Variants in ARID4B observed in about 807,000 individuals in gnomAD.
The protein encoded by ARID4B is AT-rich interactive domain-containing protein 4B.
Under a neutral mutation model 147.5 loss-of-function variants are expected in ARID4B, and 26 were observed. The ratio of observed to expected loss-of-function variants is 0.18; its 90% CI spans 0.13 to 0.24. The LOEUF (loss-of-function observed/expected upper bound fraction) is 0.24. ARID4B is among the 10% of genes least tolerant of loss of function. ARID4B has a pLI of 1.00. For missense variants in ARID4B, 1,179 were observed against 1,511.5 expected, an observed-to-expected ratio of 0.78 and a Z score of 3.65; for synonymous variants, 512 against 507.9, an observed-to-expected ratio of 1.01 and a Z score of -0.11.
intron 19 of ARID4B, among the ~76,000 whole-genome samples, chr1:235,192,656 TGATAA>T (rs538212582): frequency 7.1e-4 from 108 of 152,252 alleles, no homozygotes; most frequent in African/African-American, 2.3e-3. Flanking sequence ...TTATGAGAAA[TGATAA>T]GATATTTTTA....
chr1:235,249,023 A>G (rs1669474394), intron 6 of ARID4B, among the ~76,000 whole-genome samples: 1 of 152,208 alleles, frequency 6.6e-6, no homozygotes, highest in Non-Finnish European at 1.5e-5. Context: ...TGCACATAGT[A>G]AATACAAAGA....
chr1:235,270,031 C>T (rs536148562), intron 2 of ARID4B, among the ~76,000 whole-genome samples: 191 of 152,214 alleles, frequency 1.3e-3, no homozygotes, highest in Non-Finnish European at 2.1e-3. Context: ...CGCCTGTAAT[C>T]CAAGCATTTT....
rs917503469 is a variant in ARID4B at position 235,177,712 on chromosome 1, T to C, written c.3448+88A>G. The C allele has an allele frequency of 6.1e-6, 5 of 825,818 alleles. No individual in the cohort carries two copies. In the Admixed American group the frequency reaches 1.3e-4, roughly 21 times the overall value. The allele number at this position is 825,818 out of a possible 1,614,324, so 51.2% of individuals were successfully genotyped here. On this transcript the variant is annotated intron_variant, in intron 21 of 23. Transcript: ENST00000264183. ...CAGACAAAATCAAAATAGTGTACTATCCCATACCCTGAATACCATTTTCTT... is the reference window on the plus strand; with the variant it reads ...CAGACAAAATCAAAATAGTGTACTACCCCATACCCTGAATACCATTTTCTT...
At chr1:235,325,940 TA>T (rs1336827674) in intron 2 of ARID4B, among the ~76,000 whole-genome samples, 7 of 152,178 alleles carry the variant, frequency 4.6e-5, no homozygotes, top group Non-Finnish European at 5.9e-5. Context: ...ACAAGTGAAA[TA>T]TTTTTTTAAA....
intron 2 of ARID4B, among the ~76,000 whole-genome samples, chr1:235,297,714 C>A (rs1672844271): frequency 6.7e-6 from 1 of 149,606 alleles, no homozygotes; most frequent in African/African-American, 2.5e-5. Context: ...CAATGCTCAC[C>A]AAAAAAAAAT....
In ARID4B at chr1:235,210,064, C is replaced by T. The variant is rs533825222; in HGVS notation, c.1841+3705G>A. On this transcript the variant is annotated intron_variant, in intron 17 of 23. Coordinates refer to ENST00000264183, the MANE Select transcript of ARID4B (RefSeq NM_016374.6). ...GCAACATAGTGAGACCCCATCTCTACAAAAGATAAAAAATTAGCCAGGTGT... is the reference window on the plus strand; with the variant it reads ...GCAACATAGTGAGACCCCATCTCTATAAAAGATAAAAAATTAGCCAGGTGT... 9.9e-5 allele frequency among the ~76,000 whole-genome samples: 15 copies of T among 151,970 alleles called. No individual in the cohort carries two copies. In the East Asian group the frequency reaches 1.8e-3, roughly 18 times the overall value.
intron 6 of ARID4B, among the ~76,000 whole-genome samples, chr1:235,247,926 T>A (rs921281936): frequency 3.9e-5 from 6 of 152,054 alleles, no homozygotes; most frequent in Non-Finnish European, 8.8e-5. Context: ...AGGCAGAGGT[T>A]GCGGTGAGCC....
intron 22 of ARID4B, 145 bp downstream of exon 22, chr1:235,175,039 G>A (rs1663759412): frequency 2.9e-6 from 2 of 699,880 alleles, no homozygotes; most frequent in Non-Finnish European, 4.8e-6. Flanking sequence ...CCAGGAGGCT[G>A]AAGATTACAG....
chr1:235,290,430 C>A lies in ARID4B; in HGVS notation c.7-29678G>T, dbSNP rs535402912. 1.2e-4 allele frequency among the ~76,000 whole-genome samples: 16 copies of A among 130,352 alleles called. No individual in the cohort carries two copies. The Admixed American group carries it at 1.3e-3, about 10-fold the overall frequency. 85.5% of individuals were successfully genotyped at this position (130,352 alleles called of 152,430 possible). ...CCTGGACGACAGAATGAGATTCCAT[C>A]ACCAAAAAAAAAAAAAAGCACATGT... On this transcript the variant is annotated intron_variant, in intron 2 of 23. Coordinates refer to ENST00000264183, the MANE Select transcript of ARID4B (RefSeq NM_016374.6).
Position 235,249,359 on chromosome 1 carries a change from C to G in ARID4B, c.355-2848G>C, listed in dbSNP as rs922924800. On this transcript the variant is annotated intron_variant, in intron 6 of 23. Transcript: ENST00000264183. ...AAAAAATAAATAAATAAATAAATAT[C>G]AGATGATGAATCTACTTTTGTATAA... 4.6e-5 allele frequency among the ~76,000 whole-genome samples: 7 copies of G among 152,062 alleles called. No homozygotes were observed. The South Asian group carries it at 1.2e-3, about 27-fold the overall frequency.
chr1:235,225,666 C>G (rs899547607), intron 11 of ARID4B, among the ~76,000 whole-genome samples: 1 of 152,176 alleles, frequency 6.6e-6, no homozygotes, highest in Non-Finnish European at 1.5e-5. Flanking sequence ...CTAGGCTTTA[C>G]AGTTACTCTG....
chr1:235,232,250 T>C (rs1174204571), intron 9 of ARID4B, among the ~76,000 whole-genome samples: 1 of 150,976 alleles, frequency 6.6e-6, no homozygotes, highest in Non-Finnish European at 1.5e-5. Context: ...TGAAACCCCA[T>C]CTCTATTAAA....
intron 2 of ARID4B, among the ~76,000 whole-genome samples, chr1:235,292,914 A>G (rs1185841936): frequency 1.3e-5 from 2 of 152,218 alleles, no homozygotes; most frequent in Non-Finnish European, 2.9e-5. Context: ...GTAGAACTAC[A>G]TAGTCAAGAA....
rs1357079173 is a variant in ARID4B at position 235,220,367 on chromosome 1, T to C, written c.1342A>G (p.Ile448Val). ...TCAATAGGCTTTTCTTCTCTTGGTA[T>C]TATATTCCTCTCCTCCTCCATCTTT... ...EIKMEEERNI[I>V]PREEKPIEDE... is the part of the protein sequence containing the mutation. Residue 448 changes from isoleucine (I) to valine (V), a missense_variant, in exon 15 of 24, where the codon ATA becomes GTA. By Grantham distance (29) the Ile-to-Val change is conservative. Coordinates refer to ENST00000264183, the MANE Select transcript of ARID4B (RefSeq NM_016374.6). The C allele has an allele frequency of 6.2e-7, 1 of 1,610,214 alleles. No individual in the cohort carries two copies. The highest frequency in any genetic ancestry group is 2.2e-5 in the East Asian group (1 of 44,708).
At chr1:235,283,756 C>G (rs560634638) in intron 2 of ARID4B, among the ~76,000 whole-genome samples, 1 of 152,122 alleles carries the variant, frequency 6.6e-6, no homozygotes. Flanking sequence ...GAGACAGTCT[C>G]GCTCTCCAAG....
At chr1:235,214,170 T>C (rs1666898537) in intron 16 of ARID4B, 144 bp from the exon 17 acceptor site, 6 of 1,010,366 alleles carry the variant, frequency 5.9e-6, no homozygotes, top group Non-Finnish European at 7.0e-6. Flanking sequence ...CAGAGTTTCA[T>C]TTTACTATTA....
chr1:235,169,366 C>T (rs1300534918), intron 23 of ARID4B, among the ~76,000 whole-genome samples: 1 of 144,392 alleles, frequency 6.9e-6, no homozygotes, highest in African/African-American at 2.6e-5. Context: ...TCAGCCCCCC[C>T]AGTAGCTGGG....
chr1:235,212,160 G>T (rs1211615801), intron 17 of ARID4B, among the ~76,000 whole-genome samples: 1 of 152,098 alleles, frequency 6.6e-6, no homozygotes, highest in Non-Finnish European at 1.5e-5. Flanking sequence ...CACAAGAATC[G>T]CTTGAGCCTG....
Position 235,167,912 on chromosome 1 carries a change from CT to C in ARID4B, c.*612del. ...GGGCCATGAAAAGCCACTGCAAGACCTTTTAGCCTAATTCAAACCTGTAAAC... is the reference window on the plus strand; with the variant it reads ...GGGCCATGAAAAGCCACTGCAAGACCTTTAGCCTAATTCAAACCTGTAAAC... On this transcript the variant is annotated 3_prime_UTR_variant, in exon 24 of 24. Coordinates refer to ENST00000264183, the MANE Select transcript of ARID4B (RefSeq NM_016374.6). The C allele has an allele frequency of 5.1e-6, 1 of 197,580 alleles. No homozygotes were observed. The allele number at this position is 197,580 out of a possible 1,614,324, so 12.2% of individuals were successfully genotyped here.
Sources: allele counts gnomAD v4.1 joint callset (sites outside exome capture counted in the v4.1 genomes callset), GRCh38; gene constraint gnomAD v4.1.1; transcripts MANE v1.5; gene names NCBI Gene and HGNC (gene_info 2026-07-23, HGNC 2026-07-21).